PARL: variants seen among roughly 807,000 people sequenced by gnomAD.
PARL encodes presenilin-associated rhomboid-like protein, mitochondrial.
A neutral mutation model predicts 51.6 loss-of-function variants in PARL; 44 were observed. The ratio of observed to expected loss-of-function variants is 0.85; its 90% CI spans 0.67 to 1.10. The LOEUF is 1.10. PARL is among the 50% of genes least tolerant of loss of function. The pLI, the probability that PARL is intolerant of heterozygous loss-of-function variation, is 0.00. For missense variants in PARL, 441 were observed against 469.5 expected, an observed-to-expected ratio of 0.94 and a Z score of 0.56; for synonymous variants, 172 against 164.0, an observed-to-expected ratio of 1.05 and a Z score of -0.37.
chr3:183,849,794 G>T (rs977893946), intron 4 of PARL, among the ~76,000 whole-genome samples: 1 of 152,054 alleles, frequency 6.6e-6, no homozygotes, highest in Non-Finnish European at 1.5e-5. Context: ...ACAGGTCTGA[G>T]ATTTGCTAAA....
At chr3:183,842,248 T>C (rs777114312) in intron 6 of PARL, 50 bp downstream of exon 6, 1 of 1,554,814 alleles carries the variant, frequency 6.4e-7, no homozygotes, top group African/African-American at 1.4e-5. Flanking sequence ...GTTCTGCAGA[T>C]AGCTTAGAGT....
At position 183,833,528 on chromosome 3, in the gene PARL, T is replaced by C; in HGVS notation, c.992A>G (p.Asp331Gly). ...AGCTCCCCCAAGATGTGCCGCATGATCAAAAAATTTCCATCCCAGGATCAT... is the reference window on the plus strand; with the variant it reads ...AGCTCCCCCAAGATGTGCCGCATGACCAAAAAATTTCCATCCCAGGATCAT... ...AGMILGWKFF[D>G]HAAHLGGALF... The change falls in exon 9 of 10, where the codon GAT (aspartate) becomes GGT (glycine). Residue 331 changes from aspartate (D) to glycine (G), a missense_variant. Physicochemically the swap from Asp to Gly is moderately conservative, Grantham distance 94. Coordinates refer to ENST00000317096, the MANE Select transcript of PARL (RefSeq NM_018622.7). The C allele has an allele frequency of 6.2e-7, 1 of 1,613,578 alleles. No individual in the cohort carries two copies. The highest frequency in any genetic ancestry group is 8.5e-7 in the Non-Finnish European group (1 of 1,179,592).
chr3:183,872,032 G>A (rs970663116), intron 1 of PARL, among the ~76,000 whole-genome samples: 4 of 136,954 alleles, frequency 2.9e-5, no homozygotes, highest in South Asian at 2.2e-4. Context: ...ATGGAGTTTC[G>A]CTCTTGTTGC....
intron 4 of PARL, 147 bp from the exon 5 acceptor site, chr3:183,844,473 G>A: frequency 1.5e-6 from 1 of 647,674 alleles, no homozygotes; most frequent in South Asian, 1.8e-5. Flanking sequence ...AAAAGCAAGT[G>A]AAATGAATGC....
intron 4 of PARL, among the ~76,000 whole-genome samples, chr3:183,860,501 T>C (rs1731689829): frequency 6.6e-6 from 1 of 152,176 alleles, no homozygotes; most frequent in South Asian, 2.1e-4. Flanking sequence ...GCAGCTTACA[T>C]TCAAGTTGCA....
intron 1 of PARL, among the ~76,000 whole-genome samples, chr3:183,879,462 C>T (rs1734193121): frequency 6.6e-6 from 1 of 152,110 alleles, no homozygotes; most frequent in Admixed American, 6.6e-5. Flanking sequence ...GAGAATAAAG[C>T]CAACATTTAG....
intron 5 of PARL, chr3:183,843,381 G>A: frequency 3.0e-6 from 2 of 657,510 alleles, no homozygotes; most frequent in Non-Finnish European, 3.8e-6. Context: ...GCTGGGCATG[G>A]TGGCATGCAC....
intron 4 of PARL, among the ~76,000 whole-genome samples, chr3:183,861,972 G>A (rs1312137986): frequency 6.6e-6 from 1 of 152,002 alleles, no homozygotes; most frequent in Admixed American, 6.6e-5. Flanking sequence ...ATGGGGTTTT[G>A]TCATGTTGCC....
downstream of PARL, among the ~76,000 whole-genome samples, chr3:183,827,639 T>C (rs1325170690): frequency 6.6e-6 from 1 of 151,682 alleles, no homozygotes; most frequent in Non-Finnish European, 1.5e-5. Flanking sequence ...GGCTGAATTC[T>C]AGAAATAAGA....
intron 1 of PARL, among the ~76,000 whole-genome samples, chr3:183,884,200 G>A (rs888875333): frequency 1.3e-5 from 2 of 152,076 alleles, no homozygotes; most frequent in Admixed American, 6.5e-5. Flanking sequence ...CAAATCAACC[G>A]GAAACGAAAT....
chr3:183,840,897 T>C (rs1256339598), intron 6 of PARL, among the ~76,000 whole-genome samples: 1 of 152,038 alleles, frequency 6.6e-6, no homozygotes, highest in African/African-American at 2.4e-5. Context: ...TCATTTCTGA[T>C]TTCTACACAG....
chr3:183,873,867 A>G (rs975582721), intron 1 of PARL, among the ~76,000 whole-genome samples: 14 of 152,130 alleles, frequency 9.2e-5, no homozygotes, highest in Admixed American at 9.2e-4. Flanking sequence ...GTGTGCATCA[A>G]GCTGAGGACA....
At chr3:183,845,158 A>T (rs2086876313) in intron 4 of PARL, among the ~76,000 whole-genome samples, 1 of 152,200 alleles carries the variant, frequency 6.6e-6, no homozygotes, top group East Asian at 1.9e-4. Context: ...ACCTTCTTCG[A>T]TGCCAATAAG....
chr3:183,840,771 C>G (rs1244439770), intron 6 of PARL, 131 bp from the exon 7 acceptor site: 1 of 596,330 alleles, frequency 1.7e-6, no homozygotes, highest in Non-Finnish European at 3.0e-6. Flanking sequence ...TGCAGTGGTA[C>G]AATTTTGGCT....
At chr3:183,869,535 T>C (rs901486895) in intron 1 of PARL, among the ~76,000 whole-genome samples, 2 of 152,012 alleles carry the variant, frequency 1.3e-5, no homozygotes, top group Non-Finnish European at 2.9e-5. Flanking sequence ...GGGATAATAA[T>C]GTATATTATT....
Position 183,884,716 on chromosome 3 carries a change from T to C in PARL, c.125+6A>G. ...GGCGAGAAGACCAGAGCGCGGCGGCTATTACCTGCGTCCGAGGAGCTGCGG... is the reference window on the plus strand; with the variant it reads ...GGCGAGAAGACCAGAGCGCGGCGGCCATTACCTGCGTCCGAGGAGCTGCGG... On this transcript the variant is annotated splice_donor_region_variant and intron_variant, in intron 1 of 9. Transcript: ENST00000317096. The C allele has an allele frequency of 1.3e-6, 2 of 1,588,326 alleles. No individual in the cohort carries two copies. The highest frequency in any genetic ancestry group is 2.7e-5 in the African/African-American group (2 of 74,506).
intron 7 of PARL, among the ~76,000 whole-genome samples, chr3:183,835,826 C>T (rs1284230720): frequency 1.3e-5 from 2 of 150,742 alleles, no homozygotes; most frequent in African/African-American, 4.9e-5. Flanking sequence ...CAGAGTGACA[C>T]TTTATCTCAA....
chr3:183,828,537 CAAGTCCAGCCTGATGGAAGAAGGATATG>C (rs1405590392), downstream of PARL, among the ~76,000 whole-genome samples: 2 of 152,192 alleles, frequency 1.3e-5, no homozygotes, highest in Non-Finnish European at 2.9e-5. Context: ...ATAGTAGAAA[CAAGTCCAGCCTGATGGAAGAAGGATATG>C]AAGGACTGCC....
Position 183,829,358 on chromosome 3 carries a change from C to T in PARL, c.*240G>A, listed in dbSNP as rs904986070. The T allele has an allele frequency of 1.6e-5, 22 of 1,374,028 alleles. No individual in the cohort carries two copies. Among genetic ancestry groups the T allele is most frequent in the African/African-American group, 5.9e-5 (4 of 68,358 alleles). The allele number at this position is 1,374,028 out of a possible 1,614,324, so 85.1% of individuals were successfully genotyped here. On this transcript the variant is annotated 3_prime_UTR_variant, in exon 10 of 10. Coordinates refer to ENST00000317096, the MANE Select transcript of PARL (RefSeq NM_018622.7). ...CCAAAGCAAAATGCCAGAGCCGTGT[C>T]GGCCCCTTAAAGAGAGAACACACAC...
Sources: gnomAD v4.1 joint callset for allele counts (sites outside exome capture counted in the v4.1 genomes callset) on GRCh38, gnomAD v4.1.1 for gene constraint, MANE v1.5 for transcripts, NCBI Gene and HGNC (gene_info 2026-07-23, HGNC 2026-07-21) for gene names.